Variants in C2CD3 observed in about 807,000 individuals in gnomAD.
C2CD3 encodes C2 domain containing 3 centriole elongation regulator, also known as C2 domain-containing protein 3.
A neutral mutation model predicts 234.0 loss-of-function variants in C2CD3; 148 were observed. The ratio of observed to expected loss-of-function variants is 0.63; its 90% CI spans 0.55 to 0.72. C2CD3 has a LOEUF of 0.72. C2CD3 is among the 30% of genes least tolerant of loss of function. The pLI is 0.00. For synonymous variants in C2CD3, 1,000 were observed against 1,035.4 expected (o/e 0.97, Z 0.66); for missense variants, 2,577 against 2,811.5 (o/e 0.92, Z 1.89).
chr11:74,137,025 C>T (rs1957886757), intron 5 of C2CD3, among the ~76,000 whole-genome samples: 1 of 148,356 alleles, frequency 6.7e-6, no homozygotes, highest in South Asian at 2.1e-4. Flanking sequence ...CCTTCTTTCT[C>T]TTTGCTTTTT....
At chr11:74,071,639 C>G (rs1954796659) in intron 24 of C2CD3, among the ~76,000 whole-genome samples, 1 of 152,164 alleles carries the variant, frequency 6.6e-6, no homozygotes, top group African/African-American at 2.4e-5. Context: ...GGGAATAACC[C>G]TGATCTGAAA....
chr11:74,061,124 T>C (rs1339554757), intron 24 of C2CD3, among the ~76,000 whole-genome samples: 1 of 152,178 alleles, frequency 6.6e-6, no homozygotes, highest in Non-Finnish European at 1.5e-5. Flanking sequence ...TATGGGACTA[T>C]GTGAAAAGAC....
chr11:74,097,217 A>G (rs1323930910), intron 16 of C2CD3, among the ~76,000 whole-genome samples: 2 of 152,184 alleles, frequency 1.3e-5, no homozygotes, highest in Admixed American at 6.5e-5. Context: ...AATAAACCAT[A>G]ACTTGCTAAA....
chr11:74,144,190 T>C (rs1028745731), intron 3 of C2CD3, among the ~76,000 whole-genome samples: 5 of 152,214 alleles, frequency 3.3e-5, no homozygotes, highest in Admixed American at 6.5e-5. Flanking sequence ...TGAAAGTTCA[T>C]TATACAAATT....
At chr11:74,091,707 C>T (rs563886248) in intron 19 of C2CD3, among the ~76,000 whole-genome samples, 1 of 152,314 alleles carries the variant, frequency 6.6e-6, no homozygotes, top group Admixed American at 6.5e-5. Flanking sequence ...TACCAATCCC[C>T]TATCTGCTCA....
chr11:74,117,670 T>C (rs1484111693), intron 9 of C2CD3, among the ~76,000 whole-genome samples: 1 of 151,912 alleles, frequency 6.6e-6, no homozygotes, highest in African/African-American at 2.4e-5. Context: ...TCCCAGCACT[T>C]TGGGAGGCCA....
intron 24 of C2CD3, among the ~76,000 whole-genome samples, chr11:74,073,542 G>A (rs190953757): frequency 2.7e-5 from 4 of 149,816 alleles, no homozygotes; most frequent in African/African-American, 9.8e-5. Context: ...AGCCGAAATC[G>A]TGCCACTGCA....
chr11:74,042,815 C>A (rs1475060087), intron 28 of C2CD3, among the ~76,000 whole-genome samples: 1 of 151,732 alleles, frequency 6.6e-6, no homozygotes, highest in African/African-American at 2.4e-5. Flanking sequence ...ACAAGAGCAA[C>A]AATAACAACA....
At chr11:74,076,063 T>G (rs1002200281) in intron 23 of C2CD3, among the ~76,000 whole-genome samples, 2 of 152,226 alleles carry the variant, frequency 1.3e-5, no homozygotes, top group South Asian at 4.1e-4. Context: ...TAAACCTACT[T>G]TCTTCAGCAG....
intron 10 of C2CD3, 146 bp downstream of exon 10, chr11:74,114,238 A>G: frequency 1.5e-6 from 1 of 657,916 alleles, no homozygotes; most frequent in Non-Finnish European, 2.7e-6. Flanking sequence ...TTCTTGGGAT[A>G]TAGCAGGGAT....
chr11:74,144,337 A>T (rs1246559836), intron 3 of C2CD3, among the ~76,000 whole-genome samples: 4 of 152,210 alleles, frequency 2.6e-5, no homozygotes, highest in African/African-American at 4.8e-5. Flanking sequence ...CCCTCAGAGC[A>T]GTTTCACCTA....
intron 32 of C2CD3, among the ~76,000 whole-genome samples, chr11:74,027,899 C>T (rs182076085): frequency 2.2e-4 from 33 of 152,294 alleles, no homozygotes; most frequent in African/African-American, 7.9e-4. Context: ...AGTTGTACGA[C>T]TGATATTATT....
intron 29 of C2CD3, among the ~76,000 whole-genome samples, chr11:74,040,279 C>CA (rs1275618782): frequency 6.6e-6 from 1 of 152,154 alleles, no homozygotes; most frequent in East Asian, 1.9e-4. Context: ...AACCACCCCC[C>CA]ACCCCCAACC....
intron 31 of C2CD3, among the ~76,000 whole-genome samples, chr11:74,032,642 C>CAGG (rs1271504735): frequency 1.3e-5 from 2 of 152,038 alleles, no homozygotes; most frequent in East Asian, 3.9e-4. Flanking sequence ...GAGGGTGAGG[C>CAGG]AGGAGGATTG....
chr11:74,034,549 T>G, intron 30 of C2CD3: 2 of 1,613,570 alleles, frequency 1.2e-6, no homozygotes, highest in African/African-American at 1.3e-5. Flanking sequence ...TGCTCAGGAA[T>G]CGTTGGGAGC....
chr11:74,107,384 C>T (rs1250812249), intron 12 of C2CD3, among the ~76,000 whole-genome samples: 1 of 151,546 alleles, frequency 6.6e-6, no homozygotes, highest in Non-Finnish European at 1.5e-5. Context: ...AAAGCTTATA[C>T]ACAAATATGT....
chr11:74,049,446 C>A lies in C2CD3; in HGVS notation c.5252G>T (p.Ser1751Ile). The A allele has an allele frequency of 6.2e-7, 1 of 1,613,866 alleles. No homozygotes were observed. The highest frequency in any genetic ancestry group is 8.5e-7 in the Non-Finnish European group (1 of 1,179,990). Reference protein sequence around the residue: ...VCGWYNITDFSGECQGQIKVA... With the variant: ...VCGWYNITDFIGECQGQIKVA... ...TTTTATCTGCCCCTGGCACTCTCCA[C>A]TGAAGTCTGTGATGTTGTACCAGCC... The change falls in exon 27 of 33, where the codon AGT (serine) becomes ATT (isoleucine). Residue 1751 changes from serine (S) to isoleucine (I), a missense_variant. Ser to Ile is a moderately radical substitution (Grantham distance 142). Transcript: ENST00000334126.
intron 3 of C2CD3, among the ~76,000 whole-genome samples, chr11:74,147,551 GAGTTT>G (rs1306344923): frequency 6.6e-6 from 1 of 152,204 alleles, no homozygotes; most frequent in East Asian, 1.9e-4. Context: ...TTTTGAGCTT[GAGTTT>G]AAAGAAGTCT....
At position 74,093,951 on chromosome 11, in the gene C2CD3, T is replaced by A. The variant is rs754037707; in HGVS notation, c.3209A>T (p.Asp1070Val). The change falls in exon 18 of 33, where the codon GAT becomes GTT. Residue 1070 changes from aspartate (D) to valine (V), a missense_variant. Asp to Val is a radical substitution (Grantham distance 152). Transcript: ENST00000334126. ...ATGGTGTTCACTATTAAAGATGGGA[T>A]CTGGAACACAGAGTGTGGTTGCAGT... is the stretch of plus-strand genomic sequence containing the variant. ...FRTATTLCVP[D>V]PIFNSEHHHS... The A allele has an allele frequency of 1.2e-6, 2 of 1,614,078 alleles. No individual in the cohort carries two copies. The highest frequency in any genetic ancestry group is 2.2e-5 in the South Asian group (2 of 91,076).
Sources: allele counts gnomAD v4.1 joint callset (sites outside exome capture counted in the v4.1 genomes callset), GRCh38; gene constraint gnomAD v4.1.1; transcripts MANE v1.5; gene names NCBI Gene and HGNC (gene_info 2026-07-23, HGNC 2026-07-21).